VPS4B: variants seen among roughly 807,000 people sequenced by gnomAD.
VPS4B encodes the protein vacuolar protein sorting 4 homolog B, also known as vacuolar protein sorting-associated protein 4B.
In VPS4B, 23 loss-of-function variants were observed where a neutral mutation model predicts 56.1. The ratio of observed to expected loss-of-function variants is 0.41; its 90% CI spans 0.30 to 0.58. The LOEUF (loss-of-function observed/expected upper bound fraction) is 0.58, where lower values mean the gene tolerates loss of function less well. Among genes scored for constraint, VPS4B ranks in the 20% least tolerant of loss-of-function variants. The pLI is 0.29. For synonymous variants in VPS4B, 177 were observed against 186.0 expected, an observed-to-expected ratio of 0.95 and a Z score of 0.39; for missense variants, 372 against 531.9, an observed-to-expected ratio of 0.70 and a Z score of 2.96.
intron 8 of VPS4B, among the ~76,000 whole-genome samples, chr18:63,398,767 G>A (rs1488069252): frequency 3.3e-5 from 5 of 151,260 alleles, no homozygotes. Flanking sequence ...CCCGGGAGGT[G>A]GAGGATGCAG....
At chr18:63,417,841 C>A (rs779159498) in intron 1 of VPS4B, among the ~76,000 whole-genome samples, 9 of 152,066 alleles carry the variant, frequency 5.9e-5, no homozygotes, top group Non-Finnish European at 1.2e-4. Flanking sequence ...GTTATCCATA[C>A]GGAAGTATAA....
chr18:63,394,272 A>G (rs1915620891), intron 9 of VPS4B, among the ~76,000 whole-genome samples: 1 of 152,236 alleles, frequency 6.6e-6, no homozygotes. Context: ...GAACTTTAGT[A>G]TGAAACTACT....
chr18:63,416,258 G>T, intron 1 of VPS4B: 1 of 213,302 alleles, frequency 4.7e-6, no homozygotes, highest in South Asian at 9.4e-5. Flanking sequence ...CCTTATACAG[G>T]AGCCCTGTTC....
intron 10 of VPS4B, among the ~76,000 whole-genome samples, chr18:63,393,187 T>C (rs111503955): frequency 0.014 from 2,135 of 152,266 alleles, 58 homozygotes; most frequent in African/African-American, 0.049. Context: ...CTTTAAAAAA[T>C]AGCTTTTTCA....
chr18:63,416,881 T>G (rs1404970753), intron 1 of VPS4B, among the ~76,000 whole-genome samples: 1 of 152,194 alleles, frequency 6.6e-6, no homozygotes, highest in Non-Finnish European at 1.5e-5. Context: ...CTCCCTAATT[T>G]GCTATAGCAA....
intron 1 of VPS4B, among the ~76,000 whole-genome samples, chr18:63,417,156 T>C (rs1389502149): frequency 6.6e-6 from 1 of 152,292 alleles, no homozygotes; most frequent in East Asian, 1.9e-4. Flanking sequence ...TTCACTTCTG[T>C]CATTCTTAAC....
chr18:63,408,468 A>G (rs1157431548), intron 3 of VPS4B, among the ~76,000 whole-genome samples: 1 of 152,148 alleles, frequency 6.6e-6, no homozygotes, highest in Non-Finnish European at 1.5e-5. Flanking sequence ...AAAAACAAAC[A>G]AACAAAAAAA....
Position 63,393,449 on chromosome 18 carries a change from T to C in VPS4B, c.1193A>G (p.Asp398Gly). 6.2e-7 allele frequency: 1 copy of C among 1,610,892 alleles called. No homozygotes were observed. The highest frequency in any genetic ancestry group is 8.5e-7 in the Non-Finnish European group (1 of 1,178,702). The change falls in exon 10 of 11, where the codon GAT becomes GGT. Residue 398 changes from aspartate (D) to glycine (G), a missense_variant. Transcript: ENST00000238497. ...DPGAIEMTWMDVPGDKLLEPV... is the reference protein window; with the variant it reads ...DPGAIEMTWMGVPGDKLLEPV... ...CTCCAAAAGTTTATCTCCAGGGACATCCATCCATGTCATTTCAATGGCACC... is the reference window on the plus strand; with the variant it reads ...CTCCAAAAGTTTATCTCCAGGGACACCCATCCATGTCATTTCAATGGCACC...
intron 1 of VPS4B, among the ~76,000 whole-genome samples, chr18:63,416,976 T>TC (rs1916180883): frequency 6.6e-6 from 1 of 152,206 alleles, no homozygotes; most frequent in Admixed American, 6.5e-5. Context: ...ACCTGTATGC[T>TC]CACCCACTGG....
At chr18:63,398,368 G>A (rs968995971) in intron 8 of VPS4B, among the ~76,000 whole-genome samples, 31 of 151,776 alleles carry the variant, frequency 2.0e-4, no homozygotes, top group African/African-American at 7.3e-4. Context: ...ACAGGTGTGC[G>A]CCACCATGGC....
rs80079510 is a variant in VPS4B, at chr18:63,390,794, T to C, written c.*181A>G. The stretch of plus-strand genomic sequence containing the variant: ...CCTGTTATTTTGTACCTTTTGTTAA[T>C]AGGAGTATTTAATAAGTAATGGAGG... On this transcript the variant is annotated 3_prime_UTR_variant, in exon 11 of 11. Transcript: ENST00000238497. 1,866 of 465,950 alleles carry C rather than the reference T, an allele frequency of 4.0e-3. 27 individuals carry two copies. Among genetic ancestry groups the C allele is most frequent in the African/African-American group, 0.034 (1,721 of 50,372 alleles). The allele number at this position is 465,950 out of a possible 1,614,324, so 28.9% of individuals were successfully genotyped here. A position where few individuals can be genotyped will look rare whatever the true frequency, so the allele number is the denominator to read the frequency against.
At position 63,400,614 on chromosome 18, in the gene VPS4B, T is replaced by G; in HGVS notation, c.574A>C (p.Asn192His). The change falls in exon 6 of 11, where the codon AAC becomes CAC. Residue 192 changes from asparagine to histidine, a missense_variant. Physicochemically the swap from Asn to His is moderately conservative, Grantham distance 68. Coordinates refer to ENST00000238497, the MANE Select transcript of VPS4B (RefSeq NM_004869.4). ...GATATTGAAAAAAATGTTGAGTTGT[T>G]GGCTTCTGTTGCTACAGCTTTGGCT... ...YLAKAVATEA[N>H]NSTFFSISSS... 2 of 1,611,234 alleles carry G rather than the reference T, an allele frequency of 1.2e-6. No individual in the cohort carries two copies. The highest frequency in any genetic ancestry group is 1.7e-6 in the Non-Finnish European group (2 of 1,179,350).
intron 3 of VPS4B, among the ~76,000 whole-genome samples, chr18:63,410,076 C>T (rs1347010213): frequency 6.6e-6 from 1 of 152,158 alleles, no homozygotes; most frequent in Non-Finnish European, 1.5e-5. Context: ...CACACAACCA[C>T]ACAACTTTGT....
chr18:63,421,877 C>G (rs1916309848), intron 1 of VPS4B, among the ~76,000 whole-genome samples: 1 of 152,200 alleles, frequency 6.6e-6, no homozygotes, highest in Non-Finnish European at 1.5e-5. Flanking sequence ...GAACTATGAC[C>G]ACCCTATCTT....
In VPS4B at chr18:63,422,250, T is replaced by C; in HGVS notation, c.10A>G (p.Thr4Ala). Residue 4 changes from threonine (T) to alanine (A), a missense_variant, in exon 1 of 11, where the codon ACT (threonine) becomes GCT (alanine). By Grantham distance (58) the Thr-to-Ala change is moderately conservative (BLOSUM62 0). Coordinates refer to ENST00000238497, the MANE Select transcript of VPS4B (RefSeq NM_004869.4). Reference sequence around the variant, plus strand: ...AATGATACCTGGAGGTTGGGCGAAGTGGATGACATGGCGGAGTTCCCAGGC... The same window carrying C: ...AATGATACCTGGAGGTTGGGCGAAGCGGATGACATGGCGGAGTTCCCAGGC... Reference protein sequence around the residue: MSSTSPNLQKAIDL... With the variant: MSSASPNLQKAIDL... 6.6e-7 allele frequency: 1 copy of C among 1,511,416 alleles called. No homozygotes were observed. The allele number at this position is 1,511,416 out of a possible 1,614,324, so 93.6% of individuals were successfully genotyped here.
intron 5 of VPS4B, among the ~76,000 whole-genome samples, chr18:63,403,482 A>C (rs17071050): frequency 0.054 from 8,235 of 152,292 alleles, 711 homozygotes; most frequent in African/African-American, 0.18. Flanking sequence ...CATGTTGGTG[A>C]ATTACCCTAC....
chr18:63,421,429 C>CT (rs1916299143), intron 1 of VPS4B, among the ~76,000 whole-genome samples: 1 of 152,208 alleles, frequency 6.6e-6, no homozygotes, highest in African/African-American at 2.4e-5. Context: ...TTAGGCTACT[C>CT]TTTTGTGCCT....
chr18:63,394,984 A>G (rs967818327), intron 9 of VPS4B, among the ~76,000 whole-genome samples: 2 of 152,196 alleles, frequency 1.3e-5, no homozygotes, highest in African/African-American at 2.4e-5. Flanking sequence ...TTTAGAAATA[A>G]AATACTAGTA....
chr18:63,411,087 C>A (rs1916030989), intron 2 of VPS4B, among the ~76,000 whole-genome samples: 1 of 152,212 alleles, frequency 6.6e-6, no homozygotes, highest in Admixed American at 6.5e-5. Flanking sequence ...CATCTTCAAT[C>A]ATCTAACTGC....
Sources: gnomAD v4.1 joint callset for allele counts (sites outside exome capture counted in the v4.1 genomes callset) on GRCh38, gnomAD v4.1.1 for gene constraint, MANE v1.5 for transcripts, NCBI Gene and HGNC (gene_info 2026-07-23, HGNC 2026-07-21) for gene names.